The following EYS variants were observed in gnomAD, a reference collection of about 807,000 sequenced individuals.
EYS encodes EGF-like photoreceptor maintenance factor, also known as protein eyes shut homolog.
Under a neutral mutation model 282.1 loss-of-function variants are expected in EYS, and 250 were observed. The ratio of observed to expected loss-of-function variants is 0.89; its 90% confidence interval spans 0.80 to 0.98. The LOEUF (loss-of-function observed/expected upper bound fraction) is 0.98. Among genes scored for constraint, EYS ranks in the 50% least tolerant of loss-of-function variants. The pLI, the probability that EYS is intolerant of heterozygous loss-of-function variation, is 0.00. For synonymous variants in EYS, 1,355 were observed against 1,282.9 expected (o/e 1.06, Z -1.20); for missense variants, 4,016 against 3,709.0 (o/e 1.08, Z -2.15).
chr6:63,799,016 T>A (rs868355840), intron 37 of EYS, among the ~76,000 whole-genome samples: 15 of 137,486 alleles, frequency 1.1e-4, no homozygotes, highest in Admixed American at 4.4e-4. Context: ...TATATATATA[T>A]ATATAATTTT....
In EYS at chr6:64,230,692, G is replaced by T. The variant is rs1469992138; in HGVS notation, c.6324C>A (p.Cys2108Ter). ...TGGCATGGCATGTGCCTCCATTGTG[G>T]CATACATCCTGCTGGCACACAGAGG... ...AAPSVCQQDVCHNGGTCHAIF... is the reference protein window; with the variant it reads ...AAPSVCQQDV Residue 2108 changes from cysteine to a stop codon, truncating the protein, a stop_gained, in exon 31 of 43, where the codon TGC becomes TGA. Coordinates refer to ENST00000503581, the MANE Select transcript of EYS (RefSeq NM_001142800.2). LOFTEE classifies it high-confidence loss of function. 6.4e-7 allele frequency: 1 copy of T among 1,551,564 alleles called. No homozygotes were observed. The highest frequency in any genetic ancestry group is 8.7e-7 in the Non-Finnish European group (1 of 1,146,890).
At chr6:64,921,272 C>T (rs1768339717) in intron 15 of EYS, among the ~76,000 whole-genome samples, 1 of 152,056 alleles carries the variant, frequency 6.6e-6, no homozygotes, top group African/African-American at 2.4e-5. Flanking sequence ...AAAATGAACA[C>T]TAACATATCT....
chr6:65,005,932 C>T (rs959173729), intron 13 of EYS, among the ~76,000 whole-genome samples: 1 of 152,220 alleles, frequency 6.6e-6, no homozygotes, highest in Non-Finnish European at 1.5e-5. Flanking sequence ...CCCCAAAATT[C>T]TCCTTACCTC....
chr6:65,133,932 C>A (rs543564738), intron 12 of EYS, among the ~76,000 whole-genome samples: 10 of 150,768 alleles, frequency 6.6e-5, no homozygotes, highest in African/African-American at 2.2e-4. Flanking sequence ...GAAAAAAAAA[C>A]CCACTAAAAT....
chr6:65,466,809 T>C (rs1158236626), intron 5 of EYS, among the ~76,000 whole-genome samples: 1 of 152,054 alleles, frequency 6.6e-6, no homozygotes, highest in African/African-American at 2.4e-5. Context: ...ACAAGGAAAC[T>C]CCTGAGGTAA....
chr6:64,520,137 C>T, intron 26 of EYS, among the ~76,000 whole-genome samples: 1 of 151,818 alleles, frequency 6.6e-6, no homozygotes, highest in Middle Eastern at 3.4e-3. Flanking sequence ...GTTAATGAGA[C>T]CCTATCAAAG....
intron 31 of EYS, among the ~76,000 whole-genome samples, chr6:64,189,219 G>T (rs1395753701): frequency 6.6e-6 from 1 of 152,156 alleles, no homozygotes; most frequent in African/African-American, 2.4e-5. Context: ...CATTTATAAT[G>T]TCTATAAATA....
At chr6:63,952,424 A>G (rs1765636840) in intron 35 of EYS, among the ~76,000 whole-genome samples, 1 of 152,194 alleles carries the variant, frequency 6.6e-6, no homozygotes, top group African/African-American at 2.4e-5. Context: ...CTTACAGTGG[A>G]GGGTAAGTCG....
chr6:65,357,181 G>A (rs1439037915), intron 8 of EYS, among the ~76,000 whole-genome samples: 1 of 151,944 alleles, frequency 6.6e-6, no homozygotes, highest in African/African-American at 2.4e-5. Context: ...AAAGCCTTCT[G>A]AGCAGTGTAC....
chr6:64,909,193 C>T (rs1386827619), intron 16 of EYS, among the ~76,000 whole-genome samples: 1 of 152,080 alleles, frequency 6.6e-6, no homozygotes, highest in African/African-American at 2.4e-5. Flanking sequence ...CATAGGAAAT[C>T]AGTATGTTTG....
intron 7 of EYS, 29 bp from the exon 8 acceptor site, chr6:65,384,529 A>T: frequency 9.1e-7 from 1 of 1,093,340 alleles, no homozygotes. Context: ...AAATTAGAAA[A>T]ATTATAATTT....
At chr6:65,003,768 A>T (rs1156995029) in intron 13 of EYS, among the ~76,000 whole-genome samples, 1 of 147,624 alleles carries the variant, frequency 6.8e-6, no homozygotes, top group Non-Finnish European at 1.5e-5. Flanking sequence ...AGGTTACCTG[A>T]TACTGAGGGA....
intron 22 of EYS, among the ~76,000 whole-genome samples, chr6:64,658,701 T>C (rs979165296): frequency 2.0e-5 from 3 of 152,162 alleles, no homozygotes; most frequent in African/African-American, 7.2e-5. Flanking sequence ...TGCTACTGGA[T>C]CAATCCTCTG....
chr6:64,958,475 C>T (rs1042998472), intron 14 of EYS, among the ~76,000 whole-genome samples: 7 of 152,182 alleles, frequency 4.6e-5, no homozygotes, highest in Middle Eastern at 3.4e-3. Context: ...AGGCCGGGCG[C>T]GGTGGCTCAC....
At chr6:64,514,733 A>C (rs1777509135) in intron 26 of EYS, among the ~76,000 whole-genome samples, 1 of 151,820 alleles carries the variant, frequency 6.6e-6, no homozygotes, top group South Asian at 2.1e-4. Context: ...GGTTCAACCT[A>C]ACCCTGTCTA....
At chr6:63,832,216 C>T (rs949011860) in intron 36 of EYS, among the ~76,000 whole-genome samples, 1 of 152,042 alleles carries the variant, frequency 6.6e-6, no homozygotes, top group Non-Finnish European at 1.5e-5. Flanking sequence ...TAACTAAGAT[C>T]AGAGCAGAAC....
intron 19 of EYS, among the ~76,000 whole-genome samples, chr6:64,854,832 G>T (rs1766003996): frequency 6.6e-6 from 1 of 151,850 alleles, no homozygotes; most frequent in Non-Finnish European, 1.5e-5. Flanking sequence ...GGTTTCTGTT[G>T]GGGATCATAC....
intron 8 of EYS, among the ~76,000 whole-genome samples, chr6:65,362,569 T>G (rs1411731560): frequency 6.6e-6 from 1 of 151,760 alleles, no homozygotes; most frequent in Non-Finnish European, 1.5e-5. Flanking sequence ...TTACACATTA[T>G]TATATATATA....
chr6:64,181,268 C>G (rs4484503), intron 31 of EYS, among the ~76,000 whole-genome samples: 51,700 of 151,936 alleles, frequency 0.34, 8,835 homozygotes, highest in East Asian at 0.53. Context: ...CAATGGTCTG[C>G]TTGTATAAAT....
Sources: gnomAD v4.1 joint callset for allele counts (sites outside exome capture counted in the v4.1 genomes callset) on GRCh38, gnomAD v4.1.1 for gene constraint, MANE v1.5 for transcripts, NCBI Gene and HGNC (gene_info 2026-07-23, HGNC 2026-07-21) for gene names.